CNTNAP2: variants seen among roughly 807,000 people sequenced by gnomAD.
CNTNAP2 encodes contactin associated protein 2, also known as contactin-associated protein-like 2.
CNTNAP2 carries 98 observed loss-of-function variants against 155.2 expected under a neutral mutation model. The ratio of observed to expected loss-of-function variants is 0.63; its 90% CI spans 0.54 to 0.75. The LOEUF (loss-of-function observed/expected upper bound fraction) is 0.75. Among genes scored for constraint, CNTNAP2 ranks in the 30% least tolerant of loss-of-function variants. The probability of loss-of-function intolerance (pLI) is 0.00; values close to 1 mark genes in which losing one functional copy is unlikely to be tolerated. For synonymous variants in CNTNAP2, 651 were observed against 631.2 expected (o/e 1.03, Z -0.47); for missense variants, 1,727 against 1,688.1 (o/e 1.02, Z -0.40).
intron 9 of CNTNAP2, among the ~76,000 whole-genome samples, chr7:147,370,411 C>A (rs1365547699): frequency 6.6e-6 from 1 of 152,170 alleles, no homozygotes; most frequent in Non-Finnish European, 1.5e-5. Context: ...CTATCACTTG[C>A]AGTGGTGTGC....
chr7:147,472,315 C>T (rs748606681), intron 10 of CNTNAP2, among the ~76,000 whole-genome samples: 6 of 144,406 alleles, frequency 4.2e-5, no homozygotes, highest in Non-Finnish European at 7.4e-5. Context: ...CAGGTTCATG[C>T]GATTCTCCTG....
intron 14 of CNTNAP2, among the ~76,000 whole-genome samples, chr7:147,947,123 T>A (rs1451064541): frequency 3.3e-5 from 5 of 152,130 alleles, no homozygotes; most frequent in Non-Finnish European, 7.4e-5. Flanking sequence ...AAAGGTTATC[T>A]TATTATGCAG....
chr7:147,651,743 A>T (rs1795453862), intron 13 of CNTNAP2, among the ~76,000 whole-genome samples: 1 of 152,044 alleles, frequency 6.6e-6, no homozygotes, highest in African/African-American at 2.4e-5. Context: ...AAAGACAAAG[A>T]CTCCTTTTCT....
At chr7:147,499,746 G>T (rs1798776930) in intron 11 of CNTNAP2, among the ~76,000 whole-genome samples, 1 of 152,144 alleles carries the variant, frequency 6.6e-6, no homozygotes, top group Non-Finnish European at 1.5e-5. Flanking sequence ...CGTTAGGAGA[G>T]TGGGTGGGGA....
At chr7:147,180,325 A>T (rs1283066039) in intron 8 of CNTNAP2, among the ~76,000 whole-genome samples, 1 of 152,188 alleles carries the variant, frequency 6.6e-6, no homozygotes, top group Admixed American at 6.5e-5. Flanking sequence ...ACATGACAGT[A>T]TGCATATTTT....
At chr7:148,253,350 A>C (rs1275030340) in intron 20 of CNTNAP2, among the ~76,000 whole-genome samples, 1 of 152,224 alleles carries the variant, frequency 6.6e-6, no homozygotes, top group Non-Finnish European at 1.5e-5. Context: ...CCACTCTGCC[A>C]ATCTACTGTA....
At chr7:147,507,786 C>T (rs577098342) in intron 11 of CNTNAP2, among the ~76,000 whole-genome samples, 27 of 152,086 alleles carry the variant, frequency 1.8e-4, no homozygotes, top group Non-Finnish European at 2.8e-4. Flanking sequence ...CTCCTGACCT[C>T]GTGATCGGCC....
chr7:146,181,091 C>T (rs1798542930), intron 1 of CNTNAP2, among the ~76,000 whole-genome samples: 1 of 152,140 alleles, frequency 6.6e-6, no homozygotes, highest in Admixed American at 6.5e-5. Context: ...ATGACTTCAA[C>T]GTTGCATTTG....
At chr7:148,355,166 CTTTTTTTTTTTTTTTTTTTTT>C (rs1167992306) in intron 21 of CNTNAP2, among the ~76,000 whole-genome samples, 3 of 41,022 alleles carry the variant, frequency 7.3e-5, no homozygotes, top group Admixed American at 8.0e-4. Context: ...CCGCCAGCTG[CTTTTTTTTTTTTTTTTTTTTT>C]TTTTTTTTTT....
Position 147,149,023 on chromosome 7 carries a change from C to T in CNTNAP2, c.1348+16514C>T, listed in dbSNP as rs115427748. On this transcript the variant is annotated intron_variant, in intron 8 of 23. Coordinates refer to ENST00000361727, the MANE Select transcript of CNTNAP2 (RefSeq NM_014141.6). Reference sequence around the variant, plus strand: ...ACATCTTCCACAGCATGGAAGGGGACGAGCAAGTTGCCGCTGCTGGCTGGG... The same window carrying T: ...ACATCTTCCACAGCATGGAAGGGGATGAGCAAGTTGCCGCTGCTGGCTGGG... Among the ~76,000 whole-genome samples, 1,068 of 152,306 alleles carry T rather than the reference C, an allele frequency of 7.0e-3. 13 individuals are homozygous for T. Among genetic ancestry groups the T allele is most frequent in the African/African-American group, 0.024 (998 of 41,562 alleles).
At chr7:146,126,951 C>T (rs973029307) in intron 1 of CNTNAP2, among the ~76,000 whole-genome samples, 6 of 152,076 alleles carry the variant, frequency 3.9e-5, no homozygotes, top group Non-Finnish European at 8.8e-5. Context: ...GTATGTCTCC[C>T]GGATTCTAAT....
rs118069658 is a variant in CNTNAP2, at chr7:148,393,211, C to T, written c.3715+9323C>T. 2.0e-3 allele frequency among the ~76,000 whole-genome samples: 303 copies of T among 152,298 alleles called. 14 individuals carry two copies. The East Asian group carries it at 0.05, about 25-fold the overall frequency. ...GCACTTAAAAGTAATCATTCCTGCT[C>T]TTATAATTACATCTGAATTATTTCT... On this transcript the variant is annotated intron_variant, in intron 22 of 23. Transcript: ENST00000361727.
At chr7:147,180,369 T>C (rs544776496) in intron 8 of CNTNAP2, among the ~76,000 whole-genome samples, 1 of 152,212 alleles carries the variant, frequency 6.6e-6, no homozygotes, top group Non-Finnish European at 1.5e-5. Flanking sequence ...TATTTACATA[T>C]ACTTTGGAGT....
At chr7:147,061,939 T>A (rs976397233) in intron 4 of CNTNAP2, among the ~76,000 whole-genome samples, 1 of 151,554 alleles carries the variant, frequency 6.6e-6, no homozygotes, top group African/African-American at 2.4e-5. Context: ...CCATCCTGGC[T>A]CACACGGTGA....
chr7:146,207,364 TG>T (rs1398423599), intron 1 of CNTNAP2, among the ~76,000 whole-genome samples: 1 of 152,026 alleles, frequency 6.6e-6, no homozygotes, highest in East Asian at 1.9e-4. Flanking sequence ...TTTTCTTTAA[TG>T]GGGATTAAAA....
intron 15 of CNTNAP2, among the ~76,000 whole-genome samples, chr7:148,052,912 T>G (rs984313058): frequency 2.0e-5 from 3 of 152,098 alleles, no homozygotes; most frequent in Non-Finnish European, 2.9e-5. Context: ...CTGGGCATAG[T>G]GGCGCACGCC....
At chr7:147,807,322 C>CAA (rs768465391) in intron 13 of CNTNAP2, among the ~76,000 whole-genome samples, 258 of 64,408 alleles carry the variant, frequency 4.0e-3, no homozygotes, top group Non-Finnish European at 4.7e-3. Flanking sequence ...GTCCTTGACT[C>CAA]AAAAAAAAAA....
rs113690652 is a variant in CNTNAP2 at position 148,003,590 on chromosome 7, CA to C, written c.2383+25604del. 4.6e-4 allele frequency among the ~76,000 whole-genome samples: 70 copies of C among 152,188 alleles called. 1 individual carries two copies. Among genetic ancestry groups the C allele is most frequent in the African/African-American group, 1.4e-3 (60 of 41,526 alleles). On this transcript the variant is annotated intron_variant, in intron 15 of 23. Coordinates refer to ENST00000361727, the MANE Select transcript of CNTNAP2 (RefSeq NM_014141.6). ...CAGAGGTCAAGACTGGGGAAAAAGA[CA>C]AATTGAAAAGACATTCTATCTTTCC... is the stretch of plus-strand genomic sequence containing the variant.
At chr7:148,207,959 G>A (rs1471321493) in intron 18 of CNTNAP2, among the ~76,000 whole-genome samples, 1 of 152,100 alleles carries the variant, frequency 6.6e-6, no homozygotes, top group Non-Finnish European at 1.5e-5. Flanking sequence ...GTGGTGGCGG[G>A]GGCCTGTAGT....
Sources: allele counts gnomAD v4.1 joint callset (sites outside exome capture counted in the v4.1 genomes callset), GRCh38; gene constraint gnomAD v4.1.1; transcripts MANE v1.5; gene names NCBI Gene and HGNC (gene_info 2026-07-23, HGNC 2026-07-21).